Variants in NXPE2 observed in about 807,000 individuals in gnomAD.
The protein encoded by NXPE2 is neurexophilin and PC-esterase domain family member 2.
Under a neutral mutation model 34.4 loss-of-function variants are expected in NXPE2, and 34 were observed. The observed-to-expected ratio is 0.99, with a 90% CI of 0.75 to 1.31. NXPE2 has a LOEUF of 1.31. Ranked by LOEUF, NXPE2 falls within the 40% of genes most tolerant of loss-of-function variation. NXPE2 has a pLI of 0.00. For missense variants in NXPE2, 649 were observed against 672.5 expected, an observed-to-expected ratio of 0.97 and a Z score of 0.39; for synonymous variants, 235 against 231.3, an observed-to-expected ratio of 1.02 and a Z score of -0.15.
At chr11:114,691,136 A>T (rs1477897685) in intron 2 of NXPE2, among the ~76,000 whole-genome samples, 2 of 152,150 alleles carry the variant, frequency 1.3e-5, no homozygotes, top group African/African-American at 4.8e-5. Context: ...TTTGGAGGTG[A>T]TGAAACACTC....
At chr11:114,479,238 A>G in the NXPE2 span, among the ~76,000 whole-genome samples, 13 of 152,298 alleles carry the variant, frequency 8.5e-5, no homozygotes, top group African/African-American at 3.1e-4. Flanking sequence ...TGGGCTATAA[A>G]GCCTTTGAAC....
At chr11:114,626,955 G>A in the NXPE2 span, among the ~76,000 whole-genome samples, 3 of 151,936 alleles carry the variant, frequency 2.0e-5, no homozygotes, top group Non-Finnish European at 2.9e-5. Context: ...GAAGTGAGAA[G>A]GGAAGTTTAG....
At chr11:114,620,673 G>T in the NXPE2 span, among the ~76,000 whole-genome samples, 3 of 150,992 alleles carry the variant, frequency 2.0e-5, no homozygotes, top group Non-Finnish European at 3.0e-5. Flanking sequence ...AATAAATATT[G>T]TCTCCCAGGT....
At chr11:114,652,315 C>T in the NXPE2 span, among the ~76,000 whole-genome samples, 3 of 152,316 alleles carry the variant, frequency 2.0e-5, no homozygotes, top group African/African-American at 7.2e-5. Context: ...CCTTCCTACC[C>T]CTTTGGAAAG....
chr11:114,699,101 G>C (rs892946868), intron 3 of NXPE2, among the ~76,000 whole-genome samples: 1 of 152,104 alleles, frequency 6.6e-6, no homozygotes, highest in Non-Finnish European at 1.5e-5. Flanking sequence ...TAATCCTATA[G>C]AGTATTAATA....
At position 114,698,076 on chromosome 11, in the gene NXPE2, T is replaced by G. The variant is rs556640570; in HGVS notation, c.164T>G (p.Leu55Arg). ...FSFNLENHII[L>R]NQGNIFKKYS... ...TTCAACTTGGAAAACCATATTATCCTGAACCAAGGGAACATCTTCAAAAAA... is the reference window on the plus strand; with the variant it reads ...TTCAACTTGGAAAACCATATTATCCGGAACCAAGGGAACATCTTCAAAAAA... The change falls in exon 3 of 6, where the codon CTG becomes CGG. Residue 55 changes from leucine (L) to arginine (R), a missense_variant. Transcript: ENST00000389586. 3 of 1,582,094 alleles carry G rather than the reference T, an allele frequency of 1.9e-6. No individual in the cohort carries two copies. The African/African-American group carries it at 4.0e-5, about 21-fold the overall frequency.
At chr11:114,658,804 T>C in the NXPE2 span, among the ~76,000 whole-genome samples, 11 of 152,024 alleles carry the variant, frequency 7.2e-5, no homozygotes, top group African/African-American at 2.7e-4. Flanking sequence ...CCCTACAAAA[T>C]AACACGAACA....
the NXPE2 span, among the ~76,000 whole-genome samples, chr11:114,805,728 C>A: frequency 3.3e-5 from 5 of 152,198 alleles, no homozygotes; most frequent in African/African-American, 1.2e-4. Context: ...CACCACAGCT[C>A]AAGGAGGCCT....
At chr11:114,709,544 T>C (rs1246120977), downstream of NXPE2, among the ~76,000 whole-genome samples, 1 of 152,224 alleles carries the variant, frequency 6.6e-6, no homozygotes, top group South Asian at 2.1e-4. Flanking sequence ...ATAGAAATGT[T>C]CTCTATTGCT....
the NXPE2 span, among the ~76,000 whole-genome samples, chr11:114,485,970 C>A: frequency 2.0e-5 from 3 of 152,252 alleles, no homozygotes; most frequent in East Asian, 5.8e-4. Context: ...GCAGATATTT[C>A]TTTAATATAC....
At chr11:114,591,387 A>T in the NXPE2 span, among the ~76,000 whole-genome samples, 165 of 152,338 alleles carry the variant, frequency 1.1e-3, 1 homozygote, top group African/African-American at 3.7e-3. Context: ...ACAGGTTATT[A>T]TCCTCAGTTT....
chr11:114,686,895 T>C (rs1056037258), intron 2 of NXPE2, among the ~76,000 whole-genome samples: 3 of 152,150 alleles, frequency 2.0e-5, no homozygotes, highest in Non-Finnish European at 4.4e-5. Flanking sequence ...CTTATGTTTG[T>C]TGGCCATGTG....
the NXPE2 span, among the ~76,000 whole-genome samples, chr11:114,666,957 C>G: frequency 2.0e-5 from 3 of 152,150 alleles, no homozygotes; most frequent in Non-Finnish European, 4.4e-5. Flanking sequence ...ACACATATGT[C>G]CACACCCATA....
the NXPE2 span, among the ~76,000 whole-genome samples, chr11:114,481,627 A>G: frequency 2.7e-4 from 41 of 152,212 alleles, no homozygotes; most frequent in Admixed American, 2.7e-3. Context: ...TTTAAAGTTA[A>G]GTTAGAAGAC....
At chr11:114,647,370 TATATA>T in the NXPE2 span, among the ~76,000 whole-genome samples, 2 of 152,146 alleles carry the variant, frequency 1.3e-5, no homozygotes, top group Non-Finnish European at 2.9e-5. Flanking sequence ...TAGAACAACT[TATATA>T]AGATAGAAGG....
chr11:114,618,137 T>A, the NXPE2 span, among the ~76,000 whole-genome samples: 1 of 151,314 alleles, frequency 6.6e-6, no homozygotes, highest in Non-Finnish European at 1.5e-5. Context: ...CAGTGTTACC[T>A]GGTGGATAGT....
the NXPE2 span, among the ~76,000 whole-genome samples, chr11:114,663,637 C>CTATCATCTATCATCT: frequency 8.6e-5 from 12 of 138,754 alleles, no homozygotes; most frequent in Non-Finnish European, 1.4e-4. Context: ...ATCTATCTAT[C>CTATCATCTATCATCT]ATCTATCCAT....
the NXPE2 span, among the ~76,000 whole-genome samples, chr11:114,499,732 C>T: frequency 2.6e-5 from 4 of 152,124 alleles, no homozygotes; most frequent in African/African-American, 7.2e-5. Context: ...AGACACAGAA[C>T]GCTTTCACTA....
At chr11:114,465,524 C>T in the NXPE2 span, among the ~76,000 whole-genome samples, 11 of 152,210 alleles carry the variant, frequency 7.2e-5, no homozygotes, top group Admixed American at 2.0e-4. Flanking sequence ...GGCTTACCTT[C>T]GTGAGGGAGG....
Sources: allele counts gnomAD v4.1 joint callset (sites outside exome capture counted in the v4.1 genomes callset), GRCh38; gene constraint gnomAD v4.1.1; transcripts MANE v1.5; gene names NCBI Gene and HGNC (gene_info 2026-07-23, HGNC 2026-07-21).